Variants in IMPG1 observed in about 807,000 individuals in gnomAD.
IMPG1 encodes interphotoreceptor matrix proteoglycan 1, also known as interphotoreceptor matrix proteoglycan of 150 kDa.
A neutral mutation model predicts 92.0 loss-of-function variants in IMPG1; 85 were observed. The observed-to-expected ratio is 0.92, with a 90% confidence interval of 0.78 to 1.11. The LOEUF is 1.11. Ranked by LOEUF, IMPG1 falls within the 50% of genes least tolerant of loss-of-function variation. The pLI is 0.00. For missense variants in IMPG1, 1,022 were observed against 956.0 expected (o/e 1.07, Z -0.91); for synonymous variants, 367 against 334.1 (o/e 1.10, Z -1.08).
At chr6:75,938,339 G>A (rs150033990) in intron 14 of IMPG1, among the ~76,000 whole-genome samples, 1 of 152,154 alleles carries the variant, frequency 6.6e-6, no homozygotes. Flanking sequence ...GTTCAAAAGT[G>A]GTTGTGGAAT....
At chr6:75,924,742 AAT>A (rs1781521042) in intron 15 of IMPG1, among the ~76,000 whole-genome samples, 2 of 59,094 alleles carry the variant, frequency 3.4e-5, no homozygotes, top group African/African-American at 1.4e-4. Context: ...TATAATATAT[AAT>A]ATATAATATA....
At chr6:75,923,818 A>G (rs1781473250) in intron 15 of IMPG1, 112 bp from the exon 16 acceptor site, 2 of 625,544 alleles carry the variant, frequency 3.2e-6, no homozygotes, top group African/African-American at 3.8e-5. Flanking sequence ...GAAAATAGAT[A>G]GCATATTTTT....
intron 1 of IMPG1, among the ~76,000 whole-genome samples, chr6:76,043,856 A>T (rs1329018259): frequency 1.3e-5 from 2 of 152,234 alleles, no homozygotes; most frequent in African/African-American, 4.8e-5. Context: ...ATCCTCGGGC[A>T]GGCTTCCATC....
intron 1 of IMPG1, among the ~76,000 whole-genome samples, chr6:76,066,372 A>G (rs76013283): frequency 6.6e-6 from 1 of 152,218 alleles, no homozygotes; most frequent in Admixed American, 6.6e-5. Context: ...TAGAAAAAAA[A>G]TTCTATGTAA....
intron 1 of IMPG1, among the ~76,000 whole-genome samples, chr6:76,045,680 A>T (rs562994858): frequency 1.3e-5 from 2 of 152,174 alleles, no homozygotes; most frequent in Non-Finnish European, 2.9e-5. Flanking sequence ...TGTTTGTTAC[A>T]GATTTCAGTG....
chr6:75,975,946 T>A lies in IMPG1; in HGVS notation c.1292-24852A>T, dbSNP rs187880706. On this transcript the variant is annotated intron_variant, in intron 12 of 16. Coordinates refer to ENST00000369950, the MANE Select transcript of IMPG1 (RefSeq NM_001563.4). ...TTTCATATGTCAAAAAATATTATAA[T>A]ACTTTTGATTTTTTGGAACCACTGA... Among the ~76,000 whole-genome samples, 8 of 152,334 alleles carry A rather than the reference T, an allele frequency of 5.3e-5. No homozygotes were observed. The East Asian group carries it at 1.5e-3, about 29-fold the overall frequency.
intron 1 of IMPG1, among the ~76,000 whole-genome samples, chr6:76,063,480 T>C (rs1188606370): frequency 6.6e-6 from 1 of 152,168 alleles, no homozygotes; most frequent in Non-Finnish European, 1.5e-5. Flanking sequence ...GGCAGATCCT[T>C]GGTATCTGAA....
chr6:76,053,192 G>T (rs1282553590), intron 1 of IMPG1, among the ~76,000 whole-genome samples: 2 of 152,166 alleles, frequency 1.3e-5, no homozygotes, highest in Non-Finnish European at 2.9e-5. Context: ...AAGTACACAG[G>T]TTACCATAAG....
chr6:75,927,245 C>T (rs1200610792), intron 15 of IMPG1, among the ~76,000 whole-genome samples: 1 of 152,062 alleles, frequency 6.6e-6, no homozygotes, highest in Non-Finnish European at 1.5e-5. Flanking sequence ...CCTGTTATTC[C>T]CATTAGATAG....
chr6:75,923,717 A>T lies in IMPG1; in HGVS notation c.2244-11T>A, dbSNP rs752752050. The stretch of plus-strand genomic sequence containing the variant: ...GAGTGATCTGGCAACCTACAAAAGA[A>T]AGCAAAAACATAGTATCTTGTTTCT... On this transcript the variant is annotated splice_polypyrimidine_tract_variant and intron_variant, in intron 15 of 16. Coordinates refer to ENST00000369950, the MANE Select transcript of IMPG1 (RefSeq NM_001563.4). The T allele has an allele frequency of 6.5e-7, 1 of 1,541,558 alleles. No individual in the cohort carries two copies. The highest frequency in any genetic ancestry group is 1.1e-5 in the South Asian group (1 of 88,286).
At chr6:76,060,597 A>G (rs909420740) in intron 1 of IMPG1, among the ~76,000 whole-genome samples, 2 of 152,178 alleles carry the variant, frequency 1.3e-5, no homozygotes, top group Admixed American at 6.6e-5. Flanking sequence ...CTAGCCTTGG[A>G]TGAAATGATC....
At chr6:76,053,554 A>G (rs1032769912) in intron 1 of IMPG1, among the ~76,000 whole-genome samples, 2 of 152,208 alleles carry the variant, frequency 1.3e-5, no homozygotes, top group African/African-American at 4.8e-5. Context: ...ATGAGACATA[A>G]TGATTTGTGC....
At chr6:75,926,506 A>T (rs181726257) in intron 15 of IMPG1, among the ~76,000 whole-genome samples, 85 of 152,318 alleles carry the variant, frequency 5.6e-4, no homozygotes, top group Non-Finnish European at 4.0e-4. Context: ...CATAAATGTC[A>T]CTGTGTACCA....
chr6:76,063,185 T>A (rs969418185), intron 1 of IMPG1, among the ~76,000 whole-genome samples: 3 of 151,144 alleles, frequency 2.0e-5, no homozygotes, highest in African/African-American at 7.3e-5. Flanking sequence ...GCCTGGGTGA[T>A]AAAGTGAGAC....
intron 1 of IMPG1, among the ~76,000 whole-genome samples, chr6:76,064,738 C>T (rs537027342): frequency 1.3e-5 from 2 of 152,280 alleles, no homozygotes; most frequent in Admixed American, 6.5e-5. Context: ...GAGAACCTCT[C>T]CTGGTAAACA....
At chr6:76,065,204 G>T (rs961180868) in intron 1 of IMPG1, among the ~76,000 whole-genome samples, 2 of 152,040 alleles carry the variant, frequency 1.3e-5, no homozygotes, top group African/African-American at 4.8e-5. Context: ...ATCCCCAAAA[G>T]ATTACACTAG....
chr6:75,969,331 T>C (rs1782363534), intron 12 of IMPG1, among the ~76,000 whole-genome samples: 1 of 152,178 alleles, frequency 6.6e-6, no homozygotes, highest in South Asian at 2.1e-4. Flanking sequence ...AAATGGCAAG[T>C]ATGTGAGATA....
chr6:75,921,275 A>G lies in IMPG1; in HGVS notation c.*814T>C, dbSNP rs551634646. 2 of 152,308 alleles carry G rather than the reference A, an allele frequency of 1.3e-5. No individual in the cohort carries two copies. The highest frequency in any genetic ancestry group is 4.8e-5 in the African/African-American group (2 of 41,562). 9.4% of individuals were successfully genotyped at this position (152,308 alleles called of 1,614,324 possible). On this transcript the variant is annotated 3_prime_UTR_variant, in exon 17 of 17. Transcript: ENST00000369950. Reference sequence around the variant, plus strand: ...ATGCCAGTCTAGGTATACACACACTAAAGTTGGTGTGAGGAAATATTCTGA... The same window carrying G: ...ATGCCAGTCTAGGTATACACACACTGAAGTTGGTGTGAGGAAATATTCTGA...
intron 14 of IMPG1, among the ~76,000 whole-genome samples, chr6:75,944,165 C>T (rs1219680091): frequency 1.3e-5 from 2 of 152,194 alleles, no homozygotes; most frequent in Non-Finnish European, 2.9e-5. Context: ...AAACCAGAAT[C>T]CCCAGCTGTG....
Sources: gnomAD v4.1 joint callset for allele counts (sites outside exome capture counted in the v4.1 genomes callset) on GRCh38, gnomAD v4.1.1 for gene constraint, MANE v1.5 for transcripts, NCBI Gene and HGNC (gene_info 2026-07-23, HGNC 2026-07-21) for gene names.